Variants in DEPDC1B observed in about 807,000 individuals in gnomAD.
DEPDC1B encodes DEP domain containing 1B, also known as DEP domain-containing protein 1B.
A neutral mutation model predicts 66.5 loss-of-function variants in DEPDC1B; 51 were observed. That is an observed-to-expected ratio of 0.77 (90% CI 0.61 to 0.97). The LOEUF (loss-of-function observed/expected upper bound fraction) is 0.97, where lower values mean the gene tolerates loss of function less well. Ranked by LOEUF, DEPDC1B falls within the 50% of genes least tolerant of loss-of-function variation. The pLI is 0.00. For missense variants in DEPDC1B, 552 were observed against 637.1 expected (o/e 0.87, Z 1.44); for synonymous variants, 226 against 223.6 (o/e 1.01, Z -0.10).
At chr5:60,656,592 GTTTAATTAAATCATAGT>G (rs1753582980) in intron 2 of DEPDC1B, among the ~76,000 whole-genome samples, 2 of 152,330 alleles carry the variant, frequency 1.3e-5, no homozygotes, top group Admixed American at 6.5e-5. Flanking sequence ...AAGAAAAGAA[GTTTAATTAAATCATAGT>G]TCTGCATTGC....
At chr5:60,677,326 A>ACACACACACTCTCTCTCTCTCT (rs770640655) in intron 2 of DEPDC1B, among the ~76,000 whole-genome samples, 2 of 108,524 alleles carry the variant, frequency 1.8e-5, no homozygotes, top group African/African-American at 7.9e-5. Context: ...ACACACACAC[A>ACACACACACTCTCTCTCTCTCT]CTCTCTCTCT....
rs187726830 is a variant in DEPDC1B at position 60,640,935 on chromosome 5, C to T, written c.757+1877G>A. Among the ~76,000 whole-genome samples the T allele has an allele frequency of 8.1e-4, 124 of 152,316 alleles. 1 individual carries two copies. The highest frequency in any genetic ancestry group is 2.9e-3 in the Admixed American group (44 of 15,300). ...AACATTGTGACTTTATAAAGCTACTCAAAAGGTTAATCTTGCCCTTTGGCC... is the reference window on the plus strand; with the variant it reads ...AACATTGTGACTTTATAAAGCTACTTAAAAGGTTAATCTTGCCCTTTGGCC... On this transcript the variant is annotated intron_variant, in intron 6 of 10. Transcript: ENST00000265036.
At chr5:60,632,161 G>A (rs1752939435) in intron 7 of DEPDC1B, among the ~76,000 whole-genome samples, 1 of 152,190 alleles carries the variant, frequency 6.6e-6, no homozygotes, top group Non-Finnish European at 1.5e-5. Context: ...CCCTCTGCCT[G>A]AACCTGGGGC....
chr5:60,662,511 G>A (rs540453909), intron 2 of DEPDC1B, among the ~76,000 whole-genome samples: 4 of 152,284 alleles, frequency 2.6e-5, no homozygotes, highest in African/African-American at 9.6e-5. Flanking sequence ...GGACAAATAG[G>A]ATAAAAAGAA....
In DEPDC1B at chr5:60,700,154, A is replaced by C. The variant is rs1287602159; in HGVS notation, c.-61T>G. 1.3e-6 allele frequency: 2 copies of C among 1,513,874 alleles called. No homozygotes were observed. Among genetic ancestry groups the C allele is most frequent in the Non-Finnish European group, 1.8e-6 (2 of 1,135,356 alleles). 93.8% of individuals were successfully genotyped at this position (1,513,874 alleles called of 1,614,324 possible). On this transcript the variant is annotated 5_prime_UTR_variant, in exon 1 of 11. Transcript: ENST00000265036. The stretch of plus-strand genomic sequence containing the variant: ...GCTGATCCCCGCCAGCCGGAGGAGC[A>C]GCAGTTTGAATCCCAAGCCCGCGGG...
chr5:60,610,688 T>G (rs1383342018), intron 7 of DEPDC1B, among the ~76,000 whole-genome samples: 1 of 152,216 alleles, frequency 6.6e-6, no homozygotes, highest in Non-Finnish European at 1.5e-5. Context: ...ACATATTATG[T>G]TTTTGTAAAA....
intron 3 of DEPDC1B, among the ~76,000 whole-genome samples, chr5:60,646,814 A>G (rs1753328944): frequency 6.6e-6 from 1 of 152,140 alleles, no homozygotes; most frequent in Non-Finnish European, 1.5e-5. Flanking sequence ...GATCGGCCGC[A>G]TTAGATTCTC....
At chr5:60,612,650 G>A (rs1323135457) in intron 7 of DEPDC1B, among the ~76,000 whole-genome samples, 2 of 136,926 alleles carry the variant, frequency 1.5e-5, no homozygotes, top group Non-Finnish European at 3.1e-5. Flanking sequence ...AAAACACACA[G>A]AAGTATTTAT....
Position 60,638,756 on chromosome 5 carries a change from C to G in DEPDC1B, c.892G>C (p.Val298Leu). The change falls in exon 7 of 11, where the codon GTA (valine) becomes CTA (leucine). Residue 298 changes from valine to leucine, a missense_variant. By Grantham distance (32) the Val-to-Leu change is conservative. Coordinates refer to ENST00000265036, the MANE Select transcript of DEPDC1B (RefSeq NM_018369.3). ...TFHLFDAFVS[V>L]LGLLQKEKVA... ...TCATTATATTCCAACTTACCCAGTA[C>G]ACTGACAAAAGCATCAAAAAGATGA... The G allele has an allele frequency of 6.2e-7, 1 of 1,609,362 alleles. No individual in the cohort carries two copies. Among genetic ancestry groups the G allele is most frequent in the Non-Finnish European group, 8.5e-7 (1 of 1,178,290 alleles).
At chr5:60,632,086 A>G (rs1179411021) in intron 7 of DEPDC1B, among the ~76,000 whole-genome samples, 3 of 152,218 alleles carry the variant, frequency 2.0e-5, no homozygotes, top group Non-Finnish European at 4.4e-5. Context: ...GGACCAGTGG[A>G]ACAATTTGTC....
intron 2 of DEPDC1B, among the ~76,000 whole-genome samples, chr5:60,653,520 C>T (rs1753504122): frequency 1.3e-5 from 2 of 152,104 alleles, no homozygotes; most frequent in South Asian, 4.1e-4. Flanking sequence ...CAGGTGCGTA[C>T]TTTGTGAACA....
chr5:60,618,135 A>T (rs890706864), intron 7 of DEPDC1B, among the ~76,000 whole-genome samples: 1 of 152,246 alleles, frequency 6.6e-6, no homozygotes, highest in Non-Finnish European at 1.5e-5. Context: ...ACACATTCAA[A>T]GTAGTTTGTA....
intron 1 of DEPDC1B, among the ~76,000 whole-genome samples, chr5:60,699,470 TCA>T (rs1387314753): frequency 2.8e-5 from 1 of 35,466 alleles, no homozygotes; most frequent in African/African-American, 2.3e-4. Flanking sequence ...AAACAGGAAC[TCA>T]GAGTCGGCAA....
At chr5:60,679,776 C>T (rs571132579) in intron 2 of DEPDC1B, among the ~76,000 whole-genome samples, 9 of 152,286 alleles carry the variant, frequency 5.9e-5, no homozygotes, top group African/African-American at 1.9e-4. Context: ...TAAAGGGCTA[C>T]AACAGGACAA....
At chr5:60,680,865 A>AT (rs150763870) in intron 2 of DEPDC1B, among the ~76,000 whole-genome samples, 2,965 of 152,304 alleles carry the variant, frequency 0.019, 92 homozygotes, top group African/African-American at 0.067. Context: ...AACTAAGTCA[A>AT]CCTCATGTTG....
chr5:60,625,981 A>ATTT (rs1040797361), intron 7 of DEPDC1B, among the ~76,000 whole-genome samples: 2 of 151,646 alleles, frequency 1.3e-5, no homozygotes, highest in African/African-American at 4.8e-5. Flanking sequence ...AAATTTAGTT[A>ATTT]TTTTTTCTTG....
rs540839102 is a variant in DEPDC1B, at chr5:60,691,076, C to T, written c.49-3849G>A. On this transcript the variant is annotated intron_variant, in intron 1 of 10. Transcript: ENST00000265036. Reference sequence around the variant, plus strand: ...TCTACTTTTTTTTTTTTTTTTGAGACGGAGTCTCACCGTATAGTCCAGGCT... The same window carrying T: ...TCTACTTTTTTTTTTTTTTTTGAGATGGAGTCTCACCGTATAGTCCAGGCT... Among the ~76,000 whole-genome samples the T allele has an allele frequency of 2.3e-4, 34 of 145,056 alleles. No homozygotes were observed. In the South Asian group the frequency reaches 4.4e-3, roughly 19 times the overall value.
chr5:60,685,117 A>G (rs1289694961), intron 2 of DEPDC1B, among the ~76,000 whole-genome samples: 1 of 152,138 alleles, frequency 6.6e-6, no homozygotes, highest in Non-Finnish European at 1.5e-5. Flanking sequence ...TGGCAGTAGT[A>G]CTCTTTGCCC....
intron 2 of DEPDC1B, among the ~76,000 whole-genome samples, chr5:60,666,726 T>C (rs1324467054): frequency 6.6e-6 from 1 of 152,172 alleles, no homozygotes. Flanking sequence ...GTTTAGTGAC[T>C]GGTTTTGTGT....
Sources: gnomAD v4.1 joint callset for allele counts (sites outside exome capture counted in the v4.1 genomes callset) on GRCh38, gnomAD v4.1.1 for gene constraint, MANE v1.5 for transcripts, NCBI Gene and HGNC (gene_info 2026-07-23, HGNC 2026-07-21) for gene names.